Variants in RAF1 observed in about 807,000 individuals in gnomAD.
RAF1 encodes the protein Raf-1 proto-oncogene, serine/threonine kinase, also known as RAF proto-oncogene serine/threonine-protein kinase.
RAF1 carries 27 observed loss-of-function variants against 81.1 expected under a neutral mutation model. The observed-to-expected ratio is 0.33, with a 90% confidence interval of 0.25 to 0.46. RAF1 has a LOEUF of 0.46. Among genes scored for constraint, RAF1 ranks in the 20% least tolerant of loss-of-function variants. The pLI, the probability that RAF1 is intolerant of heterozygous loss-of-function variation, is 1.00. For synonymous variants in RAF1, 298 were observed against 294.0 expected, an observed-to-expected ratio of 1.01 and a Z score of -0.14; for missense variants, 598 against 826.0, an observed-to-expected ratio of 0.72 and a Z score of 3.38.
intron 1 of RAF1, among the ~76,000 whole-genome samples, chr3:12,652,119 G>A (rs189118350): frequency 1.6e-3 from 236 of 152,088 alleles, no homozygotes; most frequent in Admixed American, 6.1e-3. Flanking sequence ...GGGAGGCTGA[G>A]GCAGGAGAAT....
At chr3:12,636,119 C>T (rs2060021727) in intron 1 of RAF1, among the ~76,000 whole-genome samples, 1 of 151,702 alleles carries the variant, frequency 6.6e-6, no homozygotes, top group African/African-American at 2.4e-5. Flanking sequence ...AACCCCGTCT[C>T]TACCAAAAAT....
chr3:12,585,987 G>A, intron 14 of RAF1, 188 bp from the exon 14 acceptor site: 2 of 590,830 alleles, frequency 3.4e-6, no homozygotes, highest in Non-Finnish European at 3.1e-6. Context: ...CAGAAGACAG[G>A]CAGGGATTGG....
chr3:12,605,262 G>GTGTT (rs1470620457), intron 6 of RAF1, among the ~76,000 whole-genome samples: 17 of 151,676 alleles, frequency 1.1e-4, no homozygotes, highest in Non-Finnish European at 2.1e-4. Flanking sequence ...GTGTGTGTGT[G>GTGTT]TGTGTGTGTG....
At chr3:12,584,812 T>C (rs1311789559) in intron 17 of RAF1, 35 bp downstream of exon 16, 1 of 1,613,800 alleles carries the variant, frequency 6.2e-7, no homozygotes, top group Non-Finnish European at 8.5e-7. Flanking sequence ...AACCAACCCA[T>C]GCTTTAATCA....
At chr3:12,649,715 A>C (rs1419015598) in intron 1 of RAF1, among the ~76,000 whole-genome samples, 1 of 152,154 alleles carries the variant, frequency 6.6e-6, no homozygotes, top group Non-Finnish European at 1.5e-5. Flanking sequence ...AAACACAAAA[A>C]TATAACCTAG....
chr3:12,623,010 A>C (rs1433002740), intron 1 of RAF1, among the ~76,000 whole-genome samples: 1 of 152,160 alleles, frequency 6.6e-6, no homozygotes, highest in African/African-American at 2.4e-5. Context: ...ATTTAAAAAA[A>C]AAATTTTAAT....
chr3:12,593,786 C>CTTTT (rs756831846), intron 11 of RAF1, among the ~76,000 whole-genome samples: 2,872 of 111,178 alleles, frequency 0.026, 137 homozygotes, highest in African/African-American at 0.074. Context: ...GGAGTAAATC[C>CTTTT]TTTTTTTTTT....
rs145644918 is a variant in RAF1 at position 12,604,762 on chromosome 3, T to C, written c.681-473A>G. 4.0e-4 allele frequency among the ~76,000 whole-genome samples: 61 copies of C among 152,326 alleles called. 1 individual carries two copies. The East Asian group carries it at 0.011, about 28-fold the overall frequency. ...TTACCCTCTGTTTGTCCTTACCTGC[T>C]ACAACCAGCAAACAAAGTAAATAAA... On this transcript the variant is annotated intron_variant, in intron 6 of 17. Coordinates refer to ENST00000442415, the MANE Select transcript of RAF1 (RefSeq NM_001354689.3).
chr3:12,650,107 T>C lies in RAF1; in HGVS notation c.-27+13706A>G, dbSNP rs148706665. On this transcript the variant is annotated intron_variant, in intron 1 of 17. Transcript: ENST00000442415. ...GTCGCATTGAGCCAAGATCACGCCA[T>C]TGCACTCCAGCCCGGGAGACAGTGC... is the stretch of plus-strand genomic sequence containing the variant. Among the ~76,000 whole-genome samples, 378 of 136,422 alleles carry C rather than the reference T, an allele frequency of 2.8e-3. 2 individuals carry two copies. The highest frequency in any genetic ancestry group is 8.8e-3 in the Admixed American group (102 of 11,542). The allele number at this position is 136,422 out of a possible 152,430, so 89.5% of individuals were successfully genotyped here.
At chr3:12,597,331 G>A (rs562220466) in intron 11 of RAF1, among the ~76,000 whole-genome samples, 1 of 152,214 alleles carries the variant, frequency 6.6e-6, no homozygotes, top group Non-Finnish European at 1.5e-5. Flanking sequence ...CTCAGAAGCA[G>A]TACCACGTAC....
chr3:12,611,639 G>A (rs535961228), intron 3 of RAF1, among the ~76,000 whole-genome samples: 1 of 152,306 alleles, frequency 6.6e-6, no homozygotes, highest in Admixed American at 6.5e-5. Flanking sequence ...GGCGGAGCTT[G>A]CGGTGAGCCG....
At chr3:12,597,088 C>T (rs2454457) in intron 11 of RAF1, among the ~76,000 whole-genome samples, 20,535 of 151,928 alleles carry the variant, frequency 0.14, 1,721 homozygotes, top group Middle Eastern at 0.2. Flanking sequence ...TTAGTAGAGA[C>T]GGGGTTTCAC....
At chr3:12,617,995 G>A (rs4684867) in intron 2 of RAF1, among the ~76,000 whole-genome samples, 91,147 of 151,774 alleles carry the variant, frequency 0.6, 27,889 homozygotes, top group East Asian at 0.92. Context: ...AATAAACTAC[G>A]CAGAACTAAG....
chr3:12,591,014 G>A (rs976212171), intron 12 of RAF1, 40 bp from the exon 12 acceptor site: 2 of 1,551,098 alleles, frequency 1.3e-6, no homozygotes, highest in East Asian at 4.5e-5. Flanking sequence ...GAGGAGGAAA[G>A]TGCTCAGGGA....
intron 14 of RAF1, 105 bp from the exon 14 acceptor site, chr3:12,585,904 T>C (rs1245910948): frequency 7.2e-6 from 6 of 829,994 alleles, no homozygotes; most frequent in South Asian, 5.4e-5. Flanking sequence ...CTTACCTCTG[T>C]CACAGCCTCT....
chr3:12,599,744 G>A lies in RAF1; in HGVS notation c.1115C>T (p.Ser372Phe), dbSNP rs2125377884. The change falls in exon 11 of 18, where the codon TCC becomes TTC. Residue 372 changes from serine (S) to phenylalanine (F), a missense_variant. Around this residue, in one of 5 missense-constraint regions of RAF1, gnomAD observed 85 missense variants for 185.6 expected, o/e 0.46. Coordinates refer to ENST00000442415, the MANE Select transcript of RAF1 (RefSeq NM_001354689.3). ...AAAAGAGCCTGACCCAATCCGAGTG[G>A]ACAGCATCACTTCACTGGCTTCTAT... The A allele has an allele frequency of 6.2e-7, 1 of 1,614,116 alleles. No homozygotes were observed. The highest frequency in any genetic ancestry group is 8.5e-7 in the Non-Finnish European group (1 of 1,180,030).
chr3:12,606,435 A>C (rs979041409), intron 5 of RAF1, 136 bp from the exon 6 acceptor site: 1 of 700,522 alleles, frequency 1.4e-6, no homozygotes, highest in Non-Finnish European at 2.6e-6. Context: ...ACTGTTTTAC[A>C]TTACCTAGAA....
intron 8 of RAF1, among the ~76,000 whole-genome samples, chr3:12,600,848 C>A (rs993335032): frequency 3.3e-5 from 5 of 152,244 alleles, no homozygotes; most frequent in African/African-American, 1.2e-4. Context: ...AGGCGTGAGC[C>A]ACCGTGCCAA....
At chr3:12,662,873 G>A (rs1398761772) in intron 1 of RAF1, among the ~76,000 whole-genome samples, 1 of 152,018 alleles carries the variant, frequency 6.6e-6, no homozygotes, top group African/African-American at 2.4e-5. Context: ...TAGGAGCGCA[G>A]GGAGGGCAGA....
Sources: gnomAD v4.1 joint callset for allele counts (sites outside exome capture counted in the v4.1 genomes callset) on GRCh38, gnomAD v4.1.1 for gene constraint, gnomAD v4.1.1 regional missense constraint, MANE v1.5 for transcripts, NCBI Gene and HGNC (gene_info 2026-07-23, HGNC 2026-07-21) for gene names.